The following CPAP variants were observed in gnomAD, a reference collection of about 807,000 sequenced individuals.
CPAP encodes centrosomal P4.1-associated protein.
chr13:24,884,369 G>A, the CPAP span: 1 of 1,614,148 alleles, frequency 6.2e-7, no homozygotes, highest in Non-Finnish European at 8.5e-7. Context: ...ATTAAAGAAA[G>A]TGACAGTGAT....
At chr13:24,904,922 C>T in the CPAP span, among the ~76,000 whole-genome samples, 5 of 152,072 alleles carry the variant, frequency 3.3e-5, no homozygotes, top group East Asian at 1.9e-4. Context: ...TGTGTACATG[C>T]GTTAGAACAA....
chr13:24,928,728 C>A, the CPAP span, among the ~76,000 whole-genome samples: 1 of 152,184 alleles, frequency 6.6e-6, no homozygotes, highest in Admixed American at 6.5e-5. Flanking sequence ...CCACACCTGG[C>A]CAGTAAAGAA....
At chr13:24,918,644 G>A in the CPAP span, among the ~76,000 whole-genome samples, 1 of 152,062 alleles carries the variant, frequency 6.6e-6, no homozygotes, top group Admixed American at 6.6e-5. Flanking sequence ...TTGGTTAAGT[G>A]GAAATGAATC....
chr13:24,887,282 T>A, the CPAP span, among the ~76,000 whole-genome samples: 3 of 152,224 alleles, frequency 2.0e-5, no homozygotes, highest in South Asian at 2.1e-4. Flanking sequence ...ATACCACTTA[T>A]ACCAGGGGGC....
chr13:24,897,718 A>G, the CPAP span, among the ~76,000 whole-genome samples: 2 of 152,222 alleles, frequency 1.3e-5, no homozygotes, highest in African/African-American at 2.4e-5. Flanking sequence ...TGTACTTTCT[A>G]AGAATTTCTC....
chr13:24,883,836 C>G, the CPAP span: 1 of 992,076 alleles, frequency 1.0e-6, no homozygotes, highest in Non-Finnish European at 1.6e-6. Context: ...GTGGGACATT[C>G]ATTCAAACTG....
chr13:24,914,690 T>A, the CPAP span, among the ~76,000 whole-genome samples: 1 of 152,160 alleles, frequency 6.6e-6, no homozygotes, highest in South Asian at 2.1e-4. Flanking sequence ...GTGGCAGGAT[T>A]GCTTGAGCCC....
the CPAP span, among the ~76,000 whole-genome samples, chr13:24,897,912 C>T: frequency 2.1e-4 from 32 of 152,198 alleles, no homozygotes; most frequent in African/African-American, 5.8e-4. Context: ...TCCCCCGCCC[C>T]GTGGACGGAG....
At chr13:24,929,982 C>T in the CPAP span, among the ~76,000 whole-genome samples, 1 of 147,906 alleles carries the variant, frequency 6.8e-6, no homozygotes, top group Non-Finnish European at 1.5e-5. Context: ...GCAATCATAG[C>T]TCACTACAGC....
the CPAP span, chr13:24,905,485 C>CA: frequency 6.2e-7 from 1 of 1,614,190 alleles, no homozygotes; most frequent in Non-Finnish European, 8.5e-7. Flanking sequence ...TGGACTTGCT[C>CA]AAGTCTTCTC....
chr13:24,903,928 G>A, the CPAP span: 1 of 1,614,022 alleles, frequency 6.2e-7, no homozygotes, highest in Non-Finnish European at 8.5e-7. Flanking sequence ...AAACGTACCT[G>A]AGTTTTTCCA....
At chr13:24,901,132 A>AC in the CPAP span, among the ~76,000 whole-genome samples, 1 of 152,180 alleles carries the variant, frequency 6.6e-6, no homozygotes, top group Non-Finnish European at 1.5e-5. Context: ...GGGAGAGCAG[A>AC]CAGAAAAGGT....
the CPAP span, chr13:24,906,411 T>C: frequency 6.2e-7 from 1 of 1,613,746 alleles, no homozygotes; most frequent in South Asian, 1.1e-5. Flanking sequence ...ATGGTCTCCC[T>C]TATGGGGCTC....
chr13:24,885,662 G>T, the CPAP span: 10 of 1,611,606 alleles, frequency 6.2e-6, no homozygotes, highest in Non-Finnish European at 8.5e-6. Flanking sequence ...GATCTTCGAG[G>T]TGGATTGCCT....
chr13:24,915,832 A>G, the CPAP span, among the ~76,000 whole-genome samples: 5 of 152,102 alleles, frequency 3.3e-5, no homozygotes, highest in Non-Finnish European at 5.9e-5. Context: ...ACAAAAACAG[A>G]TAAGAGGCAA....
the CPAP span, among the ~76,000 whole-genome samples, chr13:24,890,125 T>C: frequency 6.6e-6 from 1 of 152,232 alleles, no homozygotes; most frequent in African/African-American, 2.4e-5. Flanking sequence ...CAAAAGTTAA[T>C]GCAATTTAAT....
the CPAP span, among the ~76,000 whole-genome samples, chr13:24,896,846 T>G: frequency 6.6e-6 from 1 of 152,192 alleles, no homozygotes; most frequent in Non-Finnish European, 1.5e-5. Flanking sequence ...AAAAATGAAA[T>G]GACAAACCCA....
the CPAP span, among the ~76,000 whole-genome samples, chr13:24,920,803 T>TTA: frequency 6.6e-6 from 1 of 151,438 alleles, no homozygotes; most frequent in Non-Finnish European, 1.5e-5. Flanking sequence ...TTTTTTGTAT[T>TTA]TTTAGTAGAG....
At chr13:24,909,804 C>T in the CPAP span, 78 of 1,612,094 alleles carry the variant, frequency 4.8e-5, no homozygotes, top group East Asian at 2.2e-4. Context: ...AGGATGGTTA[C>T]GGTTTTCTTC....
Sources: gnomAD v4.1 joint callset for allele counts (sites outside exome capture counted in the v4.1 genomes callset) on GRCh38, gnomAD v4.1.1 for gene constraint, MANE v1.5 for transcripts, NCBI Gene and HGNC (gene_info 2026-07-23, HGNC 2026-07-21) for gene names.